The following AUTS2 variants were observed in gnomAD, a reference collection of about 807,000 sequenced individuals.
AUTS2 encodes the protein activator of transcription and developmental regulator AUTS2.
A neutral mutation model predicts 112.4 loss-of-function variants in AUTS2; 17 were observed. The ratio of observed to expected loss-of-function variants is 0.15; its 90% CI spans 0.10 to 0.23. The LOEUF (loss-of-function observed/expected upper bound fraction) is 0.23, where lower values mean the gene tolerates loss of function less well. Among genes scored for constraint, AUTS2 ranks in the 10% least tolerant of loss-of-function variants. The pLI is 1.00. For synonymous variants in AUTS2, 751 were observed against 702.7 expected (o/e 1.07, Z -1.09); for missense variants, 1,510 against 1,701.6 (o/e 0.89, Z 1.98).
chr7:69,741,897 A>G (rs1361109989), intron 1 of AUTS2, among the ~76,000 whole-genome samples: 1 of 151,770 alleles, frequency 6.6e-6, no homozygotes, highest in Non-Finnish European at 1.5e-5. Flanking sequence ...TCAACTTCAC[A>G]GGCTTAAGTG....
intron 5 of AUTS2, among the ~76,000 whole-genome samples, chr7:70,452,664 C>G (rs975644954): frequency 1.3e-5 from 2 of 152,054 alleles, no homozygotes; most frequent in African/African-American, 4.8e-5. Flanking sequence ...ACATAAGTGT[C>G]TTAAAGAGGT....
intron 6 of AUTS2, among the ~76,000 whole-genome samples, chr7:70,733,850 G>A (rs1161865153): frequency 1.3e-5 from 2 of 152,050 alleles, no homozygotes; most frequent in Non-Finnish European, 2.9e-5. Flanking sequence ...GCCTCCAAAA[G>A]TGCTGGGATT....
chr7:70,577,509 C>T (rs868185146), intron 5 of AUTS2, among the ~76,000 whole-genome samples: 6 of 152,202 alleles, frequency 3.9e-5, no homozygotes, highest in Admixed American at 1.3e-4. Context: ...TTAAATCCTT[C>T]GGTGTAGGGA....
intron 5 of AUTS2, among the ~76,000 whole-genome samples, chr7:70,498,069 G>C (rs1798627020): frequency 1.3e-5 from 2 of 152,196 alleles, no homozygotes; most frequent in Admixed American, 6.5e-5. Flanking sequence ...AGAATGCTGG[G>C]AGTGAAAAGA....
At chr7:69,826,209 C>A (rs1461901175) in intron 1 of AUTS2, among the ~76,000 whole-genome samples, 1 of 151,992 alleles carries the variant, frequency 6.6e-6, no homozygotes, top group Admixed American at 6.6e-5. Flanking sequence ...TAAGGATAAC[C>A]CCTTATAGTT....
At chr7:70,580,716 G>T (rs1430748116) in intron 5 of AUTS2, among the ~76,000 whole-genome samples, 1 of 152,140 alleles carries the variant, frequency 6.6e-6, no homozygotes, top group Non-Finnish European at 1.5e-5. Context: ...GAGAACATGG[G>T]AACACTACAA....
intron 1 of AUTS2, among the ~76,000 whole-genome samples, chr7:69,779,511 C>A (rs1417556877): frequency 1.3e-5 from 2 of 151,980 alleles, no homozygotes; most frequent in Non-Finnish European, 2.9e-5. Flanking sequence ...CACCTGTAAT[C>A]CCAGCACTTT....
At chr7:70,643,376 T>G (rs62456773) in intron 5 of AUTS2, among the ~76,000 whole-genome samples, 5,064 of 152,222 alleles carry the variant, frequency 0.033, 104 homozygotes, top group South Asian at 0.088. Flanking sequence ...ATCGAGACCA[T>G]CCTGGCCAAC....
At chr7:69,987,344 C>T (rs1798553495) in intron 2 of AUTS2, among the ~76,000 whole-genome samples, 2 of 152,142 alleles carry the variant, frequency 1.3e-5, no homozygotes, top group South Asian at 4.1e-4. Flanking sequence ...CTGTGAAGGT[C>T]ATTTGGGGAC....
chr7:69,611,419 G>A (rs1026261627), intron 1 of AUTS2, among the ~76,000 whole-genome samples: 2 of 152,180 alleles, frequency 1.3e-5, no homozygotes, highest in Non-Finnish European at 2.9e-5. Flanking sequence ...TTAGACACTT[G>A]TGTTGTTTTA....
chr7:70,223,545 C>T (rs573928575), intron 4 of AUTS2, among the ~76,000 whole-genome samples: 8 of 152,256 alleles, frequency 5.3e-5, no homozygotes, highest in East Asian at 1.9e-4. Flanking sequence ...CAGTTATATA[C>T]GGTATATAAT....
chr7:70,758,566 T>A (rs1422057292), intron 6 of AUTS2, among the ~76,000 whole-genome samples: 1 of 152,234 alleles, frequency 6.6e-6, no homozygotes, highest in Non-Finnish European at 1.5e-5. Flanking sequence ...TGAATTTGCA[T>A]GTATTTTAGT....
At chr7:70,232,314 T>G (rs1396669496) in intron 4 of AUTS2, among the ~76,000 whole-genome samples, 2 of 152,190 alleles carry the variant, frequency 1.3e-5, no homozygotes, top group Non-Finnish European at 2.9e-5. Flanking sequence ...GAAGCTGCTA[T>G]GAACATCCTC....
intron 4 of AUTS2, among the ~76,000 whole-genome samples, chr7:70,379,799 G>A (rs1720154625): frequency 6.6e-6 from 1 of 152,154 alleles, no homozygotes; most frequent in Non-Finnish European, 1.5e-5. Context: ...TACTTGAAGT[G>A]TTCTAAGAAC....
rs139028436 is a variant in AUTS2 at position 70,550,128 on chromosome 7, A to G, written c.690+114347A>G. ...CCATGTATATTTCCTGGACACCTAC[A>G]GGGACAAATCTTATGCTCAAGAATT... On this transcript the variant is annotated intron_variant, in intron 5 of 18. Transcript: ENST00000342771. Among the ~76,000 whole-genome samples, 726 of 152,332 alleles carry G rather than the reference A, an allele frequency of 4.8e-3. 2 individuals carry two copies. The highest frequency in any genetic ancestry group is 7.6e-3 in the Non-Finnish European group (514 of 68,030).
intron 5 of AUTS2, among the ~76,000 whole-genome samples, chr7:70,564,029 T>C (rs1235282986): frequency 6.6e-6 from 1 of 152,214 alleles, no homozygotes; most frequent in East Asian, 1.9e-4. Flanking sequence ...AGTCGGCTTT[T>C]TATTTTAATA....
chr7:69,750,198 T>G (rs6974004), intron 1 of AUTS2, among the ~76,000 whole-genome samples: 108,662 of 151,768 alleles, frequency 0.72, 38,970 homozygotes, highest in East Asian at 0.78. Flanking sequence ...GTGTGGTAGG[T>G]TGTGTATTAG....
intron 2 of AUTS2, among the ~76,000 whole-genome samples, chr7:70,108,289 TTTATA>T (rs892150817): frequency 7.9e-5 from 12 of 152,160 alleles, no homozygotes; most frequent in African/African-American, 1.9e-4. Context: ...ACCAAAGTAT[TTTATA>T]TTATAACAAA....
intron 4 of AUTS2, among the ~76,000 whole-genome samples, chr7:70,431,145 A>G (rs1210994973): frequency 2.6e-5 from 4 of 151,640 alleles, no homozygotes; most frequent in Non-Finnish European, 2.9e-5. Flanking sequence ...CCGTGTCGCC[A>G]TTTTTTAAAG....
Sources: allele counts gnomAD v4.1 joint callset (sites outside exome capture counted in the v4.1 genomes callset), GRCh38; gene constraint gnomAD v4.1.1; transcripts MANE v1.5; gene names NCBI Gene and HGNC (gene_info 2026-07-23, HGNC 2026-07-21).